The following KSR1 variants were observed in gnomAD, a reference collection of about 807,000 sequenced individuals.
KSR1 encodes the protein kinase suppressor of ras 1.
A neutral mutation model predicts 92.9 loss-of-function variants in KSR1; 35 were observed. The ratio of observed to expected loss-of-function variants is 0.38; its 90% CI spans 0.29 to 0.50. The LOEUF (loss-of-function observed/expected upper bound fraction) is 0.50, where lower values mean the gene tolerates loss of function less well. Ranked by LOEUF, KSR1 falls within the 20% of genes least tolerant of loss-of-function variation. The pLI is 0.94. For synonymous variants in KSR1, 467 were observed against 472.6 expected (o/e 0.99, Z 0.15); for missense variants, 972 against 1,158.5 (o/e 0.84, Z 2.34).
chr17:27,553,144 C>T (rs1240620626), intron 2 of KSR1, among the ~76,000 whole-genome samples: 2 of 152,198 alleles, frequency 1.3e-5, no homozygotes, highest in Non-Finnish European at 1.5e-5. Context: ...CAGTCTCCTC[C>T]TCTTGTGAAA....
chr17:27,555,826 A>G (rs2071574207), intron 2 of KSR1, among the ~76,000 whole-genome samples: 1 of 152,198 alleles, frequency 6.6e-6, no homozygotes, highest in Non-Finnish European at 1.5e-5. Flanking sequence ...ATCTTCTCAA[A>G]TGAACCATTG....
At chr17:27,582,624 G>A (rs1238699484) in intron 3 of KSR1, 22 bp from the exon 4 acceptor site, 1 of 1,584,860 alleles carries the variant, frequency 6.3e-7, no homozygotes, top group Admixed American at 1.7e-5. Context: ...GACCATCTGT[G>A]ACTCCACGTC....
At chr17:27,604,085 G>A (rs1208403651) in intron 12 of KSR1, among the ~76,000 whole-genome samples, 197 bp downstream of exon 12, 1 of 152,116 alleles carries the variant, frequency 6.6e-6, no homozygotes. Context: ...TCAACATTGG[G>A]TGGGGCCGCA....
intron 4 of KSR1, among the ~76,000 whole-genome samples, chr17:27,585,447 G>A (rs9893461): frequency 0.013 from 2,040 of 152,284 alleles, 40 homozygotes; most frequent in African/African-American, 0.045. Flanking sequence ...GGGAGGCCTG[G>A]GGAATGCCCT....
intron 1 of KSR1, among the ~76,000 whole-genome samples, chr17:27,499,390 A>G (rs2069100074): frequency 6.6e-6 from 1 of 152,228 alleles, no homozygotes; most frequent in African/African-American, 2.4e-5. Context: ...GTAGCTAAGA[A>G]GGGAGATCAA....
intron 1 of KSR1, chr17:27,527,162 A>C (rs7222355): frequency 3.8e-6 from 1 of 263,764 alleles, no homozygotes; most frequent in African/African-American, 2.3e-5. Context: ...TAAAATCAGC[A>C]GGGTACTCTT....
At chr17:27,464,705 C>CAA (rs35895195) in intron 1 of KSR1, among the ~76,000 whole-genome samples, 15,132 of 137,796 alleles carry the variant, frequency 0.11, 865 homozygotes, top group African/African-American at 0.15. Context: ...GAACTTGACT[C>CAA]AAAAAAAAAA....
chr17:27,512,951 A>G (rs904707028), intron 1 of KSR1, among the ~76,000 whole-genome samples: 9 of 152,326 alleles, frequency 5.9e-5, no homozygotes, highest in Non-Finnish European at 1.2e-4. Context: ...CTCCCTGATC[A>G]TGACCTCTTC....
At chr17:27,543,431 G>A (rs920742522) in intron 1 of KSR1, among the ~76,000 whole-genome samples, 2 of 152,194 alleles carry the variant, frequency 1.3e-5, no homozygotes, top group Non-Finnish European at 2.9e-5. Context: ...GCAGGGTAGG[G>A]GTGTGAGGCC....
At chr17:27,614,826 A>G (rs1441493234) in intron 18 of KSR1, among the ~76,000 whole-genome samples, 1 of 152,174 alleles carries the variant, frequency 6.6e-6, no homozygotes, top group African/African-American at 2.4e-5. Context: ...TGTGGCTCAC[A>G]GGAGTTCCCT....
intron 2 of KSR1, among the ~76,000 whole-genome samples, chr17:27,564,834 T>G (rs1411976745): frequency 1.4e-5 from 2 of 141,124 alleles, no homozygotes; most frequent in Non-Finnish European, 3.0e-5. Context: ...GTGTAGAAAC[T>G]TTTCCTCCCT....
intron 1 of KSR1, among the ~76,000 whole-genome samples, chr17:27,505,987 T>C (rs1265505024): frequency 2.6e-5 from 4 of 152,176 alleles, no homozygotes; most frequent in Non-Finnish European, 5.9e-5. Context: ...TTCTCATTTT[T>C]TTCTTTTCCT....
chr17:27,470,335 G>A (rs942868393), intron 1 of KSR1, among the ~76,000 whole-genome samples: 3 of 147,126 alleles, frequency 2.0e-5, no homozygotes, highest in South Asian at 2.2e-4. Flanking sequence ...TCTGCTTCCC[G>A]GGTTCAAGCA....
chr17:27,491,057 C>CTG (rs781244704), intron 1 of KSR1, among the ~76,000 whole-genome samples: 13 of 151,948 alleles, frequency 8.6e-5, no homozygotes, highest in Admixed American at 8.5e-4. Flanking sequence ...GTATCTATAA[C>CTG]TGTGTGTGTA....
At position 27,614,712 on chromosome 17, in the gene KSR1, C is replaced by T. The variant is rs530757019; in HGVS notation, c.2494-2583C>T. Among the ~76,000 whole-genome samples, 5 of 152,258 alleles carry T rather than the reference C, an allele frequency of 3.3e-5. No homozygotes were observed. In the South Asian group the frequency reaches 6.2e-4, roughly 19 times the overall value. On this transcript the variant is annotated intron_variant, in intron 18 of 20. Transcript: ENST00000644974. Reference sequence around the variant, plus strand: ...TCTAGAGCACAGCCAGAGTTCTGAACTAATTGGAAGGATTTCTTTTAGTGC... The same window carrying T: ...TCTAGAGCACAGCCAGAGTTCTGAATTAATTGGAAGGATTTCTTTTAGTGC...
Position 27,610,156 on chromosome 17 carries a change from A to C in KSR1, c.2315A>C (p.Asp772Ala), listed in dbSNP as rs1166769058. Residue 772 changes from aspartate (D) to alanine (A), a missense_variant, in exon 17 of 21, where the codon GAT becomes GCT. Asp to Ala is a moderately radical substitution (Grantham distance 126). Coordinates refer to ENST00000644974, the MANE Select transcript of KSR1 (RefSeq NM_001394583.1). ...VREMTPGKDE[D>A]QLPFSKAADV... ...GAGATGACCCCCGGGAAGGACGAGGATCAGCTGCCATTCTCCAAAGCTGCT... is the reference window on the plus strand; with the variant it reads ...GAGATGACCCCCGGGAAGGACGAGGCTCAGCTGCCATTCTCCAAAGCTGCT... 1 of 1,613,966 alleles carries C rather than the reference A, an allele frequency of 6.2e-7. No individual in the cohort carries two copies. The highest frequency in any genetic ancestry group is 1.3e-5 in the African/African-American group (1 of 75,038).
chr17:27,573,012 G>T (rs1307322584), intron 2 of KSR1, among the ~76,000 whole-genome samples: 1 of 152,166 alleles, frequency 6.6e-6, no homozygotes, highest in African/African-American at 2.4e-5. Context: ...GAGAAAGCCT[G>T]GTCCCCTGGA....
At chr17:27,586,185 A>T (rs942704677) in intron 5 of KSR1, among the ~76,000 whole-genome samples, 1 of 152,110 alleles carries the variant, frequency 6.6e-6, no homozygotes, top group Non-Finnish European at 1.5e-5. Context: ...CTTTGGGAGG[A>T]GAGGACACCT....
chr17:27,530,546 A>G (rs886632812), intron 1 of KSR1, among the ~76,000 whole-genome samples: 1 of 152,164 alleles, frequency 6.6e-6, no homozygotes, highest in Non-Finnish European at 1.5e-5. Context: ...TCGGCTCCAA[A>G]TAGTACGTCT....
Sources: gnomAD v4.1 joint callset for allele counts (sites outside exome capture counted in the v4.1 genomes callset) on GRCh38, gnomAD v4.1.1 for gene constraint, MANE v1.5 for transcripts, NCBI Gene and HGNC (gene_info 2026-07-23, HGNC 2026-07-21) for gene names.